The following SRGAP3 variants were observed in gnomAD, a reference collection of about 807,000 sequenced individuals.
The protein encoded by SRGAP3 is SLIT-ROBO Rho GTPase-activating protein 3.
A neutral mutation model predicts 121.1 loss-of-function variants in SRGAP3; 39 were observed. The observed-to-expected ratio is 0.32, with a 90% CI of 0.25 to 0.42. SRGAP3 has a LOEUF of 0.42. Among genes scored for constraint, SRGAP3 ranks in the 10% least tolerant of loss-of-function variants. The probability of loss-of-function intolerance (pLI) is 1.00; values close to 1 mark genes in which losing one functional copy is unlikely to be tolerated. For synonymous variants in SRGAP3, 601 were observed against 570.0 expected, an observed-to-expected ratio of 1.05 and a Z score of -0.77; for missense variants, 1,213 against 1,470.6, an observed-to-expected ratio of 0.82 and a Z score of 2.86.
At chr3:9,125,501 C>T (rs955587112) in intron 1 of SRGAP3, among the ~76,000 whole-genome samples, 4 of 152,210 alleles carry the variant, frequency 2.6e-5, no homozygotes, top group African/African-American at 9.7e-5. Context: ...GCTTTTCCCT[C>T]GTGGGTTTCA....
At chr3:9,190,412 C>A (rs1427682331) in intron 1 of SRGAP3, among the ~76,000 whole-genome samples, 1 of 152,136 alleles carries the variant, frequency 6.6e-6, no homozygotes, top group East Asian at 1.9e-4. Context: ...ATAGGTTTCG[C>A]CATGGTCTCG....
At chr3:9,118,175 C>A (rs2124958147) in intron 2 of SRGAP3, among the ~76,000 whole-genome samples, 1 of 152,034 alleles carries the variant, frequency 6.6e-6, no homozygotes, top group African/African-American at 2.4e-5. Flanking sequence ...GAGAGGGAAT[C>A]CTGTGGTCAA....
chr3:9,235,282 T>A (rs1268252340), intron 1 of SRGAP3, among the ~76,000 whole-genome samples: 1 of 152,222 alleles, frequency 6.6e-6, no homozygotes. Context: ...CTTAAAGATC[T>A]ATGATCCCAT....
chr3:9,094,805 G>C (rs111645122), intron 3 of SRGAP3, among the ~76,000 whole-genome samples: 2,308 of 152,088 alleles, frequency 0.015, 56 homozygotes, highest in African/African-American at 0.053. Context: ...GCCCAGGCTG[G>C]AGTGCAGTAG....
chr3:8,995,037 G>A lies in SRGAP3; in HGVS notation c.2228-514C>T, dbSNP rs116820955. 8.2e-3 allele frequency among the ~76,000 whole-genome samples: 1,248 copies of A among 152,254 alleles called. 15 individuals are homozygous for A. Among genetic ancestry groups the A allele is most frequent in the African/African-American group, 0.029 (1,187 of 41,538 alleles). ...AAAGCTCATTGTTAAGGACTGAACT[G>A]TGTCTGCCTCAAATCTATATGTTGA... On this transcript the variant is annotated intron_variant, in intron 18 of 21. Coordinates refer to ENST00000383836, the MANE Select transcript of SRGAP3 (RefSeq NM_014850.4).
intron 3 of SRGAP3, among the ~76,000 whole-genome samples, chr3:9,272,620 T>C: frequency 6.6e-6 from 1 of 152,194 alleles, no homozygotes; most frequent in Non-Finnish European, 1.5e-5. Flanking sequence ...TTCTAATGTA[T>C]ATATGTATCA....
chr3:9,190,498 A>G (rs1951717062), intron 1 of SRGAP3, among the ~76,000 whole-genome samples: 1 of 152,316 alleles, frequency 6.6e-6, no homozygotes, highest in Middle Eastern at 3.4e-3. Flanking sequence ...GTATAACGGA[A>G]TATCACTGGC....
At chr3:9,180,800 C>T (rs1441043124) in intron 1 of SRGAP3, among the ~76,000 whole-genome samples, 1 of 152,082 alleles carries the variant, frequency 6.6e-6, no homozygotes, top group Admixed American at 6.6e-5. Flanking sequence ...CTGAGTTGAA[C>T]ATGGCATCAG....
intron 1 of SRGAP3, among the ~76,000 whole-genome samples, chr3:9,172,598 G>A (rs1195749077): frequency 6.6e-6 from 1 of 152,158 alleles, no homozygotes; most frequent in African/African-American, 2.4e-5. Context: ...CTCACATGTT[G>A]TCTCTCATCT....
At chr3:9,027,633 G>C (rs919255024) in intron 12 of SRGAP3, among the ~76,000 whole-genome samples, 5 of 152,190 alleles carry the variant, frequency 3.3e-5, no homozygotes, top group Non-Finnish European at 7.3e-5. Flanking sequence ...TACTCTAAAA[G>C]GCTGAAAAAG....
intron 1 of SRGAP3, among the ~76,000 whole-genome samples, chr3:9,340,479 A>C (rs1955766633): frequency 6.6e-6 from 1 of 152,232 alleles, no homozygotes; most frequent in African/African-American, 2.4e-5. Flanking sequence ...TAACTCTGAC[A>C]TTCACCTGGC....
intron 3 of SRGAP3, among the ~76,000 whole-genome samples, chr3:9,096,982 CACAT>C (rs1553661464): frequency 2.4e-5 from 1 of 41,320 alleles, no homozygotes; most frequent in Non-Finnish European, 4.7e-5. Context: ...TATATATATA[CACAT>C]ACACACACAT....
intron 1 of SRGAP3, among the ~76,000 whole-genome samples, chr3:9,346,271 G>T (rs1206083591): frequency 6.6e-6 from 1 of 151,752 alleles, no homozygotes; most frequent in African/African-American, 2.4e-5. Flanking sequence ...TAGAGATTGG[G>T]TCTTGCTCTG....
intron 1 of SRGAP3, among the ~76,000 whole-genome samples, chr3:9,331,238 A>G (rs1955600631): frequency 6.6e-6 from 1 of 152,236 alleles, no homozygotes; most frequent in Admixed American, 6.5e-5. Flanking sequence ...ATTCATTTGA[A>G]TACCTACCAC....
At chr3:9,091,217 C>G (rs1947742730) in intron 3 of SRGAP3, among the ~76,000 whole-genome samples, 1 of 152,064 alleles carries the variant, frequency 6.6e-6, no homozygotes, top group Admixed American at 6.6e-5. Flanking sequence ...TGCTGGGCCT[C>G]TCTTCTCCTG....
intron 3 of SRGAP3, among the ~76,000 whole-genome samples, chr3:9,301,519 C>T (rs757440869): frequency 6.6e-6 from 1 of 152,158 alleles, no homozygotes; most frequent in Non-Finnish European, 1.5e-5. Context: ...TTTTGTGCCA[C>T]GTAAGAGCAG....
At chr3:9,289,800 C>A (rs994830663) in intron 3 of SRGAP3, among the ~76,000 whole-genome samples, 6 of 152,124 alleles carry the variant, frequency 3.9e-5, no homozygotes, top group Admixed American at 3.9e-4. Context: ...ATGAAAAAAA[C>A]CAAAGCTCAA....
chr3:9,162,408 C>G (rs533117933), intron 1 of SRGAP3, among the ~76,000 whole-genome samples: 2 of 152,144 alleles, frequency 1.3e-5, no homozygotes, highest in African/African-American at 2.4e-5. Context: ...ACACCTCCCC[C>G]CAAGATAACT....
intron 1 of SRGAP3, among the ~76,000 whole-genome samples, chr3:9,343,030 T>C (rs2600197): frequency 0.81 from 123,639 of 152,202 alleles, 50,864 homozygotes; most frequent in East Asian, 0.93. Flanking sequence ...CCTTGTCCCC[T>C]GGCATCCCCT....
Sources: allele counts gnomAD v4.1 joint callset (sites outside exome capture counted in the v4.1 genomes callset), GRCh38; gene constraint gnomAD v4.1.1; transcripts MANE v1.5; gene names NCBI Gene and HGNC (gene_info 2026-07-23, HGNC 2026-07-21).